Variants in PLXNA3 observed in about 807,000 individuals in gnomAD.
PLXNA3 encodes the protein plexin-A3.
PLXNA3 carries 52 observed loss-of-function variants against 118.8 expected under a neutral mutation model. That is an observed-to-expected ratio of 0.44 (90% CI 0.35 to 0.55). PLXNA3 has a LOEUF of 0.55. PLXNA3 is among the 20% of genes least tolerant of loss of function. The pLI, the probability that PLXNA3 is intolerant of heterozygous loss-of-function variation, is 0.01. For missense variants in PLXNA3, 1,660 were observed against 1,730.8 expected (o/e 0.96, Z 0.73); for synonymous variants, 925 against 762.4 (o/e 1.21, Z -3.51).
Position 154,468,937 on chromosome X carries a change from C to T in PLXNA3, c.4402C>T (p.Leu1468Phe). The T allele has an allele frequency of 8.3e-7, 1 of 1,211,993 alleles. No homozygotes were observed. The highest frequency in any genetic ancestry group is 1.1e-6 in the Non-Finnish European group (1 of 895,631). Residue 1468 changes from leucine (L) to phenylalanine (F), a missense_variant, in exon 25 of 33, where the codon CTC becomes TTC. Coordinates refer to ENST00000369682, the MANE Select transcript of PLXNA3 (RefSeq NM_017514.5). ...ACGATACTCCCTGAGCGAGGACAAG[C>T]TCATCCGTCAGCAGATCGACTACAA... ...EARYSLSEDK[L>F]IRQQIDYKTL...
At chrX:154,462,758 G>A (rs782265375) in intron 4 of PLXNA3, among the ~76,000 whole-genome samples, 6 of 111,227 alleles carry the variant, frequency 5.4e-5, no homozygotes, top group South Asian at 3.8e-4. Context: ...CCATGGGCCC[G>A]GGGGCTGAAG....
At position 154,474,539 on chromosome X, in the gene PLXNA3, A is replaced by C. The variant is rs1480513325; in HGVS notation, c.*1854A>C. 1.9e-5 allele frequency: 2 copies of C among 105,810 alleles called. No individual in the cohort carries two copies. Among genetic ancestry groups the C allele is most frequent in the Non-Finnish European group, 3.9e-5 (2 of 51,537 alleles). 8.7% of individuals were successfully genotyped at this position (105,810 alleles called of 1,213,427 possible). ...GTCGCCCAGGCTGGAGTGCAGTGGC[A>C]TGATCTCGGCTCACTGCAAGCTCCG... On this transcript the variant is annotated 3_prime_UTR_variant, in exon 33 of 33. Transcript: ENST00000369682.
chrX:154,461,998 G>A (rs1178993615), intron 3 of PLXNA3, 130 bp from the exon 4 acceptor site: 13 of 535,169 alleles, frequency 2.4e-5, no homozygotes, highest in Admixed American at 3.7e-5. Context: ...GCACCCTAGG[G>A]CGAGCAGTCA....
chrX:154,465,278 C>G (rs1557206575), intron 11 of PLXNA3, 60 bp downstream of exon 11: 1 of 1,073,912 alleles, frequency 9.3e-7, no homozygotes, highest in Non-Finnish European at 1.3e-6. Context: ...GTGGATCGTT[C>G]TTGTCTATGC....
chrX:154,471,025 A>G, intron 30 of PLXNA3, 80 bp from the exon 31 acceptor site: 9 of 793,097 alleles, frequency 1.1e-5, no homozygotes, highest in Non-Finnish European at 1.5e-5. Context: ...CCGGCCCGAC[A>G]GGAAAGAGAT....
At position 154,466,325 on chromosome X, in the gene PLXNA3, G is replaced by A. The variant is rs201707336; in HGVS notation, c.2800-51G>A. 193 of 1,209,734 alleles carry A rather than the reference G, an allele frequency of 1.6e-4. No individual in the cohort carries two copies. In the East Asian group the frequency reaches 2.4e-3, roughly 15 times the overall value. On this transcript the variant is annotated intron_variant, in intron 15 of 32. Coordinates refer to ENST00000369682, the MANE Select transcript of PLXNA3 (RefSeq NM_017514.5). ...GTCCCTTCTCTCTCCCGCAAGGGGCGTGTGGAGCAGCCCGGCCCGGCTCCT... is the reference window on the plus strand; with the variant it reads ...GTCCCTTCTCTCTCCCGCAAGGGGCATGTGGAGCAGCCCGGCCCGGCTCCT...
chrX:154,470,135 G>A lies in PLXNA3; in HGVS notation c.4954G>A (p.Glu1652Lys). ...EGDRGSKMVS[E>K]IYLTRLLATK... ...GGACCGTGGCAGCAAGATGGTCTCCGAGATCTACCTGACACGGCTGCTGGC... is the reference window on the plus strand; with the variant it reads ...GGACCGTGGCAGCAAGATGGTCTCCAAGATCTACCTGACACGGCTGCTGGC... The change falls in exon 29 of 33, where the codon GAG becomes AAG. Residue 1652 changes from glutamate (E) to lysine (K), a missense_variant. Coordinates refer to ENST00000369682, the MANE Select transcript of PLXNA3 (RefSeq NM_017514.5). The A allele has an allele frequency of 8.3e-7, 1 of 1,211,288 alleles. No individual in the cohort carries two copies. The highest frequency in any genetic ancestry group is 1.1e-6 in the Non-Finnish European group (1 of 895,430).
In PLXNA3 at chrX:154,460,788, C is replaced by G. The variant is rs782692526; in HGVS notation, c.594+11C>G. 91 of 1,048,641 alleles carry G rather than the reference C, an allele frequency of 8.7e-5. No individual in the cohort carries two copies. Among genetic ancestry groups the G allele is most frequent in the Non-Finnish European group, 1.1e-4 (86 of 792,117 alleles). The allele number at this position is 1,048,641 out of a possible 1,213,427, so 86.4% of individuals were successfully genotyped here. A position where few individuals can be genotyped will look rare whatever the true frequency, so the allele number is the denominator to read the frequency against. On this transcript the variant is annotated intron_variant, in intron 2 of 32. Coordinates refer to ENST00000369682, the MANE Select transcript of PLXNA3 (RefSeq NM_017514.5). ...GACATGTTCAGTCTCGTGCGTGAGC[C>G]TTCCTTCTCTTCTTCCTCCACCCAG...
rs1186592256 is a variant in PLXNA3, at chrX:154,460,122, G to A, written c.-27-35G>A. 12 of 792,355 alleles carry A rather than the reference G, an allele frequency of 1.5e-5. No individual in the cohort carries two copies. In the South Asian group the frequency reaches 1.6e-4, roughly 11 times the overall value. 65.3% of individuals were successfully genotyped at this position (792,355 alleles called of 1,213,427 possible). ...TGAATGGCCCAGCCCTCTGTGGCTC[G>A]AGGCCTCTGACTCCCACACACCGTC... On this transcript the variant is annotated intron_variant, in intron 1 of 32. Transcript: ENST00000369682.
chrX:154,460,603 C>T lies in PLXNA3; in HGVS notation c.420C>T (p.His140=), dbSNP rs782739523. The T allele has an allele frequency of 3.3e-6, 4 of 1,197,543 alleles. No individual in the cohort carries two copies. The South Asian group carries it at 7.3e-5, about 22-fold the overall frequency. Residue 140 remains histidine (H), a synonymous_variant, in exon 2 of 33, where the codon CAC becomes CAT. Coordinates refer to ENST00000369682, the MANE Select transcript of PLXNA3 (RefSeq NM_017514.5). Reference sequence around the variant, plus strand: ...GTGAGCCGCACCACCGCAAGGAGCACTACCTGTCGGGGGCCCAGGAGCCCG... The same window carrying T: ...GTGAGCCGCACCACCGCAAGGAGCATTACCTGTCGGGGGCCCAGGAGCCCG... ...KLGEPHHRKE[H]YLSGAQEPDS... is the part of the protein sequence containing the mutation.
rs1557207628 is a variant in PLXNA3 at position 154,467,446 on chromosome X, A to G, written c.3416A>G (p.Lys1139Arg). ...PLGPSGVLDV[K>R]PGSHVVLKGK... ...GGGCCCTCTGGCGTGCTGGACGTCA[A>G]ACCGGGCTCCCACGTGGTGCTGAAG... The change falls in exon 19 of 33, where the codon AAA (lysine) becomes AGA (arginine). Residue 1139 changes from lysine to arginine, a missense_variant. Around this residue, in one of 2 missense-constraint regions of PLXNA3, gnomAD observed 869 missense variants for 1,078.7 expected, o/e 0.81. Coordinates refer to ENST00000369682, the MANE Select transcript of PLXNA3 (RefSeq NM_017514.5). The G allele has an allele frequency of 8.4e-7, 1 of 1,187,968 alleles. No individual in the cohort carries two copies. The highest frequency in any genetic ancestry group is 2.2e-5 in the Admixed American group (1 of 45,415).
At position 154,465,726 on chromosome X, in the gene PLXNA3, A is replaced by G. The variant is rs201108569; in HGVS notation, c.2411A>G (p.Asn804Ser). The G allele has an allele frequency of 1.1e-4, 138 of 1,208,931 alleles. No individual in the cohort carries two copies. The highest frequency in any genetic ancestry group is 1.5e-4 in the Non-Finnish European group (130 of 894,603). The change falls in exon 13 of 33, where the codon AAC becomes AGC. Residue 804 changes from asparagine (N) to serine (S), a missense_variant. Around this residue, in one of 2 missense-constraint regions of PLXNA3, gnomAD observed 869 missense variants for 1,078.7 expected, o/e 0.81. Coordinates refer to ENST00000369682, the MANE Select transcript of PLXNA3 (RefSeq NM_017514.5). ...GLCLKADPRF[N>S]CGWCISEHRC... ...TGCCTCAAGGCTGATCCCCGCTTCA[A>G]CTGTGGCTGGTGCATCTCAGAGCAC...
At chrX:154,469,557 G>C (rs945257771) in intron 27 of PLXNA3, 75 bp downstream of exon 27, 2 of 976,145 alleles carry the variant, frequency 2.0e-6, no homozygotes, top group African/African-American at 3.8e-5. Context: ...AGCAGGACAC[G>C]GGAGCAGTGG....
chrX:154,458,314 T>G lies in PLXNA3; in HGVS notation c.-142T>G, dbSNP rs183781909. ...GGCGGCGGCGGCGGCGGCTGCGCGCTTGGGGCCCGGGGCGCGGGGCGAGGC... is the reference window on the plus strand; with the variant it reads ...GGCGGCGGCGGCGGCGGCTGCGCGCGTGGGGCCCGGGGCGCGGGGCGAGGC... On this transcript the variant is annotated 5_prime_UTR_variant, in exon 1 of 33. Transcript: ENST00000369682. 47,646 of 108,180 alleles carry G rather than the reference T, an allele frequency of 0.44. 10,754 individuals carry two copies. The highest frequency in any genetic ancestry group is 0.88 in the African/African-American group (26,572 of 30,116). The allele number at this position is 108,180 out of a possible 1,213,427, so 8.9% of individuals were successfully genotyped here.
rs966998547 is a variant in PLXNA3 at position 154,461,179 on chromosome X, C to T, written c.675C>T (p.Tyr225=). ...TLSLYPAFDI[Y]YIYGFVSASF... ...CCTTGTACCCTGCCTTTGACATCTA[C>T]TACATCTACGGCTTCGTCAGCGCCT... is the stretch of plus-strand genomic sequence containing the variant. The change falls in exon 3 of 33, where the codon TAC becomes TAT. Residue 225 remains tyrosine (Y), a synonymous_variant. Coordinates refer to ENST00000369682, the MANE Select transcript of PLXNA3 (RefSeq NM_017514.5). 5.0e-6 allele frequency: 6 copies of T among 1,211,371 alleles called. No individual in the cohort carries two copies. Among genetic ancestry groups the T allele is most frequent in the African/African-American group, 1.7e-5 (1 of 58,063 alleles).
Position 154,475,644 on chromosome X carries a change from G to A in PLXNA3, c.*2959G>A, listed in dbSNP as rs1308000228. On this transcript the variant is annotated 3_prime_UTR_variant, in exon 33 of 33. Coordinates refer to ENST00000369682, the MANE Select transcript of PLXNA3 (RefSeq NM_017514.5). ...AGAGAAGGACGTGTGAGGCAGGACT[G>A]GATTGTAGCCCAGGATAAAGAGAAG... 1 of 112,444 alleles carries A rather than the reference G, an allele frequency of 8.9e-6. No individual in the cohort carries two copies. Among genetic ancestry groups the A allele is most frequent in the Non-Finnish European group, 1.9e-5 (1 of 53,280 alleles). 9.3% of individuals were successfully genotyped at this position (112,444 alleles called of 1,213,427 possible).
At position 154,467,848 on chromosome X, in the gene PLXNA3, G is replaced by A. The variant is rs782333892; in HGVS notation, c.3667G>A (p.Gly1223Arg). The A allele has an allele frequency of 7.5e-6, 9 of 1,205,887 alleles. 1 individual carries two copies. The South Asian group carries it at 1.6e-4, about 21-fold the overall frequency. ...ERALTLPAMMGLAAGGGLLLL... is the reference protein window; with the variant it reads ...ERALTLPAMMRLAAGGGLLLL... ...GGCGCTGACCCTACCGGCCATGATG[G>A]GGCTGGCGGCGGGGGGTGGGCTCCT... is the stretch of plus-strand genomic sequence containing the variant. Residue 1223 changes from glycine (G) to arginine (R), a missense_variant, in exon 21 of 33, where the codon GGG (glycine) becomes AGG (arginine). This residue lies in a region of PLXNA3 where 869 missense variants were observed against 1,078.7 expected (regional missense o/e 0.81). Transcript: ENST00000369682.
In PLXNA3 at chrX:154,461,294, C is replaced by T. The variant is rs1557204207; in HGVS notation, c.790C>T (p.Arg264Cys). ...GEKFFTSKIV[R>C]MCAGDSEFYS... is the part of the protein sequence containing the mutation. The stretch of plus-strand genomic sequence containing the variant: ...GAAATTTTTCACGTCCAAGATCGTG[C>T]GCATGTGCGCGGGAGACTCAGAGTT... Residue 264 changes from arginine to cysteine, a missense_variant, in exon 3 of 33, where the codon CGC (arginine) becomes TGC (cysteine). Arg to Cys is a radical substitution (Grantham distance 180). This residue lies in a region of PLXNA3 where 791 missense variants were observed against 652.1 expected (regional missense o/e 1.21). Transcript: ENST00000369682. The T allele has an allele frequency of 4.1e-6, 5 of 1,212,134 alleles. No individual in the cohort carries two copies. The highest frequency in any genetic ancestry group is 1.7e-5 in the African/African-American group (1 of 58,078).
intron 12 of PLXNA3, 67 bp from the exon 13 acceptor site, chrX:154,465,590 T>C (rs2069067733): frequency 2.6e-6 from 3 of 1,155,655 alleles, no homozygotes; most frequent in Non-Finnish European, 2.4e-6. Context: ...CTGGGGGCCC[T>C]AGTGCTCCCC....
Sources: allele counts gnomAD v4.1 joint callset (sites outside exome capture counted in the v4.1 genomes callset), GRCh38; gene constraint gnomAD v4.1.1; regional missense constraint gnomAD v4.1.1; transcripts MANE v1.5; gene names NCBI Gene and HGNC (gene_info 2026-07-23, HGNC 2026-07-21).